ACTR3B: variants seen among roughly 807,000 people sequenced by gnomAD.
ACTR3B encodes the protein actin related protein 3B, also known as actin-related protein 3B.
Under a neutral mutation model 59.0 loss-of-function variants are expected in ACTR3B, and 8 were observed. The observed-to-expected ratio is 0.14, with a 90% confidence interval of 0.08 to 0.24. ACTR3B has a LOEUF of 0.24. Ranked by LOEUF, ACTR3B falls within the 10% of genes least tolerant of loss-of-function variation. The probability of loss-of-function intolerance (pLI) is 1.00; values close to 1 mark genes in which losing one functional copy is unlikely to be tolerated. For missense variants in ACTR3B, 245 were observed against 552.3 expected (o/e 0.44, Z 5.58); for synonymous variants, 148 against 197.9 (o/e 0.75, Z 2.12).
intron 4 of ACTR3B, chr7:152,810,895 C>T (rs1032458685): frequency 2.1e-5 from 3 of 145,246 alleles, no homozygotes; most frequent in Admixed American, 6.9e-5. Context: ...CAGAGTGAGA[C>T]GCTGTCTCAA....
chr7:152,804,003 G>A (rs1366370218), intron 4 of ACTR3B, among the ~76,000 whole-genome samples: 1 of 152,140 alleles, frequency 6.6e-6, no homozygotes, highest in Non-Finnish European at 1.5e-5. Flanking sequence ...GTGAATTGAA[G>A]ACTTAAAGAG....
chr7:152,853,277 C>T (rs1040863747), intron 10 of ACTR3B, among the ~76,000 whole-genome samples: 3 of 151,618 alleles, frequency 2.0e-5, no homozygotes, highest in African/African-American at 7.3e-5. Flanking sequence ...TTGCCGGGTG[C>T]ACTGTGTTCC....
At chr7:152,836,582 A>G (rs1481542462) in intron 9 of ACTR3B, among the ~76,000 whole-genome samples, 8 of 151,264 alleles carry the variant, frequency 5.3e-5, no homozygotes, top group African/African-American at 1.9e-4. Flanking sequence ...GGGACACCCT[A>G]TTTCAAAAAA....
At chr7:152,763,989 TC>T (rs949294773) in intron 1 of ACTR3B, among the ~76,000 whole-genome samples, 21 of 151,996 alleles carry the variant, frequency 1.4e-4, no homozygotes, top group African/African-American at 4.8e-4. Flanking sequence ...TCAGGCTGAC[TC>T]CCATGTTCTT....
intron 7 of ACTR3B, among the ~76,000 whole-genome samples, chr7:152,821,660 G>A (rs1179604202): frequency 6.6e-6 from 1 of 152,130 alleles, no homozygotes; most frequent in Non-Finnish European, 1.5e-5. Flanking sequence ...CTGAAATCTG[G>A]GCTGATGTGC....
intron 1 of ACTR3B, among the ~76,000 whole-genome samples, chr7:152,767,853 G>C (rs6977443): frequency 6.6e-6 from 1 of 151,666 alleles, no homozygotes; most frequent in Non-Finnish European, 1.5e-5. Context: ...ATTTTATAAC[G>C]TGCTGCTTTA....
chr7:152,802,322 A>G (rs2098239257), intron 4 of ACTR3B, among the ~76,000 whole-genome samples: 1 of 149,996 alleles, frequency 6.7e-6, no homozygotes. Flanking sequence ...AGCAAGGACA[A>G]TAGAAGGAGG....
chr7:152,848,267 C>T (rs917377698), intron 9 of ACTR3B, among the ~76,000 whole-genome samples: 1 of 152,182 alleles, frequency 6.6e-6, no homozygotes, highest in Non-Finnish European at 1.5e-5. Context: ...TCCTACACTG[C>T]GGTGGGCCAA....
At chr7:152,788,547 G>C (rs1352868770) in intron 2 of ACTR3B, among the ~76,000 whole-genome samples, 3 of 151,498 alleles carry the variant, frequency 2.0e-5, no homozygotes, top group African/African-American at 7.3e-5. Flanking sequence ...CGAGTAGTTG[G>C]GACTACAGGT....
Position 152,788,216 on chromosome 7 carries a change from A to G in ACTR3B, c.100+4974A>G, listed in dbSNP as rs1303111053. Among the ~76,000 whole-genome samples, 6 of 151,994 alleles carry G rather than the reference A, an allele frequency of 3.9e-5. No homozygotes were observed. In the East Asian group the frequency reaches 1.2e-3, roughly 30 times the overall value. On this transcript the variant is annotated intron_variant, in intron 2 of 11. Coordinates refer to ENST00000256001, the MANE Select transcript of ACTR3B (RefSeq NM_020445.6). The stretch of plus-strand genomic sequence containing the variant: ...CATGATCCTCCTGCCTTGGCCTCCC[A>G]AAGTGCTGGAATTACAGGTGTGAGC...
intron 3 of ACTR3B, among the ~76,000 whole-genome samples, chr7:152,800,875 G>T (rs1307755914): frequency 4.6e-5 from 7 of 152,268 alleles, no homozygotes; most frequent in African/African-American, 1.7e-4. Flanking sequence ...ATAGACTCAG[G>T]AAACACCAGG....
chr7:152,854,651 GT>G lies in ACTR3B; in HGVS notation c.*100del, dbSNP rs1314008743. On this transcript the variant is annotated 3_prime_UTR_variant, in exon 12 of 12. Transcript: ENST00000256001. This position sits in a 1 kb window ranked among gnomAD's most constrained non-coding sequence, Gnocchi z 4.9. ...CCGTTCTGTAAATAGCGACGTCGGT[GT>G]TGCTGCCCAGCAGCGTGCTTGCATT... 2.3e-6 allele frequency: 3 copies of G among 1,294,224 alleles called. No homozygotes were observed. The African/African-American group carries it at 4.4e-5, about 19-fold the overall frequency. The allele number at this position is 1,294,224 out of a possible 1,614,324, so 80.2% of individuals were successfully genotyped here. A position where few individuals can be genotyped will look rare whatever the true frequency, so the allele number is the denominator to read the frequency against.
intron 4 of ACTR3B, among the ~76,000 whole-genome samples, chr7:152,803,036 ACT>A (rs1304684648): frequency 1.3e-5 from 2 of 151,958 alleles, no homozygotes; most frequent in East Asian, 3.9e-4. Context: ...ATTTTATTTT[ACT>A]GTTTTGCTCT....
chr7:152,809,537 C>CT (rs1287437886), intron 4 of ACTR3B, among the ~76,000 whole-genome samples: 4,036 of 148,182 alleles, frequency 0.027, 91 homozygotes, highest in African/African-American at 0.063. Context: ...TTTGTTTTTT[C>CT]TTTTTTTTTT....
chr7:152,764,676 A>T (rs2098102575), intron 1 of ACTR3B, among the ~76,000 whole-genome samples: 3 of 151,592 alleles, frequency 2.0e-5, no homozygotes. Context: ...TAAAGCAAGG[A>T]TATCTTTTTG....
chr7:152,849,443 A>G (rs1798623542), intron 9 of ACTR3B, among the ~76,000 whole-genome samples: 1 of 152,182 alleles, frequency 6.6e-6, no homozygotes, highest in South Asian at 2.1e-4. Context: ...CCTTAACAAT[A>G]TATTAGCCTT....
intron 2 of ACTR3B, 35 bp from the exon 3 acceptor site, chr7:152,800,496 G>A: frequency 6.2e-7 from 1 of 1,607,154 alleles, no homozygotes; most frequent in Non-Finnish European, 8.5e-7. Flanking sequence ...GATATGGATA[G>A]TGATAGAAAT....
intron 1 of ACTR3B, among the ~76,000 whole-genome samples, chr7:152,772,085 C>A (rs2098125375): frequency 6.6e-6 from 1 of 151,996 alleles, no homozygotes; most frequent in Non-Finnish European, 1.5e-5. Flanking sequence ...ACAAAACAAA[C>A]CCCTGAAAGA....
At chr7:152,804,974 C>A (rs958529351) in intron 4 of ACTR3B, among the ~76,000 whole-genome samples, 6 of 152,184 alleles carry the variant, frequency 3.9e-5, no homozygotes, top group African/African-American at 1.4e-4. Context: ...AGCCAGTACT[C>A]ATTAAGGAGC....
Sources: gnomAD v4.1 joint callset for allele counts (sites outside exome capture counted in the v4.1 genomes callset) on GRCh38, gnomAD v4.1.1 for gene constraint, Gnocchi (gnomAD v3.1) non-coding constraint, MANE v1.5 for transcripts, NCBI Gene and HGNC (gene_info 2026-07-23, HGNC 2026-07-21) for gene names.